The following SLC12A9 variants were observed in gnomAD, a reference collection of about 807,000 sequenced individuals.
The protein encoded by SLC12A9 is solute carrier family 12 member 9, also known as CCC-interacting protein 1.
SLC12A9 carries 55 observed loss-of-function variants against 66.0 expected under a neutral mutation model. That is an observed-to-expected ratio of 0.83 (90% CI 0.67 to 1.04). The LOEUF is 1.04. SLC12A9 is among the 50% of genes least tolerant of loss of function. The probability of loss-of-function intolerance (pLI) is 0.00; values close to 1 mark genes in which losing one functional copy is unlikely to be tolerated. For synonymous variants in SLC12A9, 577 were observed against 569.0 expected (o/e 1.01, Z -0.20); for missense variants, 1,061 against 1,241.9 (o/e 0.85, Z 2.19).
At chr7:100,844,592 G>A (rs1000292594) in intron 1 of SLC12A9, among the ~76,000 whole-genome samples, 4 of 151,976 alleles carry the variant, frequency 2.6e-5, no homozygotes, top group Non-Finnish European at 4.4e-5. Context: ...TACTGGTCTT[G>A]TGTCATTTAA....
At chr7:100,859,322 C>G (rs1562992473) in intron 7 of SLC12A9, 161 bp downstream of exon 7, 1 of 663,492 alleles carries the variant, frequency 1.5e-6, no homozygotes, top group Non-Finnish European at 2.6e-6. Flanking sequence ...CTGCCATGGA[C>G]CCAGTACTGT....
At chr7:100,836,742 T>C (rs1179197651) in intron 1 of SLC12A9, among the ~76,000 whole-genome samples, 1 of 152,016 alleles carries the variant, frequency 6.6e-6, no homozygotes. Flanking sequence ...AGTCTTTTGT[T>C]TGCTGGGTCT....
chr7:100,849,184 C>A (rs1235241159), upstream of SLC12A9, among the ~76,000 whole-genome samples: 1 of 151,598 alleles, frequency 6.6e-6, no homozygotes. Context: ...GCTTCGGCCT[C>A]CCAAAGTGCT....
At chr7:100,831,954 C>T (rs1339716712) in intron 1 of SLC12A9, among the ~76,000 whole-genome samples, 1 of 152,182 alleles carries the variant, frequency 6.6e-6, no homozygotes, top group African/African-American at 2.4e-5. Context: ...AGCAGGACAA[C>T]ACTTGAAATG....
At chr7:100,857,942 A>C (rs1478554943) in intron 5 of SLC12A9, 2 of 152,038 alleles carry the variant, frequency 1.3e-5, no homozygotes, top group East Asian at 1.9e-4. Context: ...AACAAAAAAA[A>C]CACCATAAAA....
intron 1 of SLC12A9, among the ~76,000 whole-genome samples, chr7:100,830,492 AG>A: frequency 6.6e-6 from 1 of 152,060 alleles, no homozygotes; most frequent in Admixed American, 6.6e-5. Flanking sequence ...TGAACAACAT[AG>A]CGAGACCCTG....
At chr7:100,848,083 C>CAAAAAAAAAAAAAAAAA (rs36071720), upstream of SLC12A9, among the ~76,000 whole-genome samples, 1 of 43,920 alleles carries the variant, frequency 2.3e-5, no homozygotes, top group Non-Finnish European at 5.7e-5. Context: ...GACTCCATCT[C>CAAAAAAAAAAAAAAAAA]AAAAAAAAAA....
At chr7:100,856,192 G>T in intron 4 of SLC12A9, 1 of 181,866 alleles carries the variant, frequency 5.5e-6, no homozygotes, top group South Asian at 1.1e-4. Flanking sequence ...GTCACAGTTG[G>T]GGCTGGGTCC....
chr7:100,835,063 A>G (rs566068566), intron 1 of SLC12A9, among the ~76,000 whole-genome samples: 16 of 151,950 alleles, frequency 1.1e-4, no homozygotes, highest in African/African-American at 3.6e-4. Flanking sequence ...AACAAACAAA[A>G]GAGTGTGATT....
Position 100,861,097 on chromosome 7 carries a change from G to A in SLC12A9, c.1219-41G>A. On this transcript the variant is annotated intron_variant, in intron 9 of 13. Transcript: ENST00000354161. The surrounding 1 kb of genome is among the most constrained non-coding windows in gnomAD (Gnocchi z 5.3). ...TTCACTGGCATTTTGGGGGTGCACT[G>A]GCACTTTGGAACAACGGCACGCCTC... 6.2e-7 allele frequency: 1 copy of A among 1,613,912 alleles called. No homozygotes were observed. The highest frequency in any genetic ancestry group is 8.5e-7 in the Non-Finnish European group (1 of 1,179,962).
chr7:100,836,735 CTT>C (rs905373864), intron 1 of SLC12A9, among the ~76,000 whole-genome samples: 12 of 151,944 alleles, frequency 7.9e-5, no homozygotes, highest in African/African-American at 2.9e-4. Context: ...TCCCGAGAGT[CTT>C]TTGTTTGCTG....
At position 100,861,883 on chromosome 7, in the gene SLC12A9, G is replaced by A. The variant is rs761763094; in HGVS notation, c.1683G>A (p.Val561=). The A allele has an allele frequency of 4.3e-6, 7 of 1,611,058 alleles. No homozygotes were observed. Among genetic ancestry groups the A allele is most frequent in the Non-Finnish European group, 5.9e-6 (7 of 1,178,416 alleles). The change falls in exon 12 of 14, where the codon GTG becomes GTA. Residue 561 remains valine, a synonymous_variant. Coordinates refer to ENST00000354161, the MANE Select transcript of SLC12A9 (RefSeq NM_020246.4). The surrounding 1 kb of genome is among the most constrained non-coding windows in gnomAD (Gnocchi z 5.3). The part of the protein sequence containing the change: ...ANQLKKGGLY[V]LGHVTLGDLD... ...AGCTTAAGAAGGGGGGGCTGTATGT[G>A]CTGGGCCACGTCACCCTGGGAGACC...
rs1032240834 is a variant in SLC12A9, at chr7:100,865,446, G to A, written c.1859-273G>A. 5 of 1,535,852 alleles carry A rather than the reference G, an allele frequency of 3.3e-6. No individual in the cohort carries two copies. In the African/African-American group the frequency reaches 5.5e-5, roughly 17 times the overall value. On this transcript the variant is annotated intron_variant, in intron 13 of 13. Transcript: ENST00000354161. Reference sequence around the variant, plus strand: ...ATCCTCCTCTCCATAGAATTGGAGTGCTCATTAGTGGCAAGAATCCTAAGG... The same window carrying A: ...ATCCTCCTCTCCATAGAATTGGAGTACTCATTAGTGGCAAGAATCCTAAGG...
intron 1 of SLC12A9, among the ~76,000 whole-genome samples, chr7:100,832,149 G>A (rs1041761853): frequency 7.2e-5 from 11 of 152,082 alleles, no homozygotes; most frequent in Admixed American, 5.2e-4. Flanking sequence ...GCAGTGAGCC[G>A]AGATCGCGCC....
exon 1 of SLC12A9, chr7:100,826,879 T>G (rs1215617078): frequency 1.9e-5 from 24 of 1,241,964 alleles, no homozygotes; most frequent in Middle Eastern, 2.1e-4. Context: ...AGTGCCCGGG[T>G]AGGGGTAGTC....
intron 4 of SLC12A9, chr7:100,856,607 C>T (rs759957796): frequency 1.8e-4 from 81 of 454,200 alleles, no homozygotes; most frequent in Non-Finnish European, 2.5e-4. Flanking sequence ...TTCTGCCTCC[C>T]GGGCTCATGC....
chr7:100,854,038 A>G lies in SLC12A9; in HGVS notation c.-42-118A>G, dbSNP rs185076564. The G allele has an allele frequency of 9.3e-5, 57 of 615,486 alleles. No individual in the cohort carries two copies. In the East Asian group the frequency reaches 1.4e-3, roughly 15 times the overall value. The allele number at this position is 615,486 out of a possible 1,614,324, so 38.1% of individuals were successfully genotyped here. A position where few individuals can be genotyped will look rare whatever the true frequency, so the allele number is the denominator to read the frequency against. ...ACCACCGAGCCTGGCCAATTTTTGT[A>G]TTTTTAGTAGAGAGCAGCTCTGTCT... is the stretch of plus-strand genomic sequence containing the variant. On this transcript the variant is annotated intron_variant, in intron 1 of 13. Coordinates refer to ENST00000354161, the MANE Select transcript of SLC12A9 (RefSeq NM_020246.4).
chr7:100,839,168 C>CA (rs1562981665), intron 1 of SLC12A9, among the ~76,000 whole-genome samples: 1 of 151,998 alleles, frequency 6.6e-6, no homozygotes, highest in East Asian at 1.9e-4. Context: ...CTAAAAAATA[C>CA]AAAAAAATTA....
chr7:100,829,611 T>G (rs1813504467), intron 1 of SLC12A9, among the ~76,000 whole-genome samples: 1 of 152,076 alleles, frequency 6.6e-6, no homozygotes, highest in African/African-American at 2.4e-5. Flanking sequence ...CCCTCCCCGA[T>G]GCAGGCCCAG....
Sources: allele counts gnomAD v4.1 joint callset (sites outside exome capture counted in the v4.1 genomes callset), GRCh38; gene constraint gnomAD v4.1.1; non-coding constraint Gnocchi (gnomAD v3.1); transcripts MANE v1.5; gene names NCBI Gene and HGNC (gene_info 2026-07-23, HGNC 2026-07-21).